MAN1A1: variants seen among roughly 807,000 people sequenced by gnomAD.
The protein encoded by MAN1A1 is mannosyl-oligosaccharide 1,2-alpha-mannosidase IA.
MAN1A1 carries 29 observed loss-of-function variants against 70.8 expected under a neutral mutation model. The observed-to-expected ratio is 0.41, with a 90% confidence interval of 0.31 to 0.56. The LOEUF (loss-of-function observed/expected upper bound fraction) is 0.56, where lower values mean the gene tolerates loss of function less well. MAN1A1 is among the 20% of genes least tolerant of loss of function. The pLI is 0.29. For synonymous variants in MAN1A1, 349 were observed against 330.1 expected, an observed-to-expected ratio of 1.06 and a Z score of -0.62; for missense variants, 747 against 841.3, an observed-to-expected ratio of 0.89 and a Z score of 1.39.
At chr6:119,257,083 G>A (rs561131987) in intron 5 of MAN1A1, among the ~76,000 whole-genome samples, 6 of 152,256 alleles carry the variant, frequency 3.9e-5, no homozygotes, top group African/African-American at 1.2e-4. Flanking sequence ...GGTTGAAGAC[G>A]TGACACTTAT....
intron 2 of MAN1A1, among the ~76,000 whole-genome samples, chr6:119,320,254 G>A (rs1028372981): frequency 6.6e-6 from 1 of 152,188 alleles, no homozygotes; most frequent in African/African-American, 2.4e-5. Flanking sequence ...TTACAGGCAT[G>A]AGCCACTGTG....
intron 10 of MAN1A1, among the ~76,000 whole-genome samples, chr6:119,188,919 C>T (rs966053024): frequency 6.6e-6 from 1 of 152,106 alleles, no homozygotes; most frequent in African/African-American, 2.4e-5. Flanking sequence ...ACAGACAGAA[C>T]CATCCATTTT....
chr6:119,315,486 A>G (rs1404102452), intron 2 of MAN1A1, among the ~76,000 whole-genome samples: 1 of 152,224 alleles, frequency 6.6e-6, no homozygotes, highest in Non-Finnish European at 1.5e-5. Context: ...TTCCAGTTCT[A>G]GCTAAAAAAA....
chr6:119,213,789 C>G (rs560633562), intron 6 of MAN1A1, among the ~76,000 whole-genome samples: 12 of 152,216 alleles, frequency 7.9e-5, no homozygotes, highest in African/African-American at 2.4e-4. Flanking sequence ...TAACATATCA[C>G]GGTAATCCAT....
chr6:119,220,091 C>A (rs2064160), intron 6 of MAN1A1, among the ~76,000 whole-genome samples: 63,518 of 151,896 alleles, frequency 0.42, 13,769 homozygotes, highest in East Asian at 0.67. Context: ...CATAAGAGGA[C>A]TTTTACCACA....
chr6:119,331,967 C>T (rs781722497), intron 2 of MAN1A1: 1 of 510,820 alleles, frequency 2.0e-6, no homozygotes, highest in Non-Finnish European at 3.9e-6. Flanking sequence ...GCTGCTCGAC[C>T]CTGGGCAATT....
intron 6 of MAN1A1, among the ~76,000 whole-genome samples, chr6:119,210,543 C>T (rs1355900429): frequency 1.3e-5 from 2 of 152,130 alleles, no homozygotes; most frequent in Non-Finnish European, 2.9e-5. Context: ...TCTGACTAAA[C>T]AGATACATTA....
chr6:119,270,441 A>G (rs949920816), intron 5 of MAN1A1, among the ~76,000 whole-genome samples: 2 of 152,216 alleles, frequency 1.3e-5, no homozygotes, highest in East Asian at 3.9e-4. Context: ...GTATACTCAC[A>G]CTGAGTTGAT....
At chr6:119,324,403 G>C (rs1024764937) in intron 2 of MAN1A1, among the ~76,000 whole-genome samples, 11 of 152,258 alleles carry the variant, frequency 7.2e-5, no homozygotes, top group African/African-American at 2.7e-4. Context: ...GCTATTGGTA[G>C]TTAAGTTTGG....
intron 5 of MAN1A1, among the ~76,000 whole-genome samples, chr6:119,249,416 G>A (rs1011074731): frequency 9.9e-5 from 15 of 152,174 alleles, no homozygotes; most frequent in Non-Finnish European, 1.9e-4. Context: ...AAAAGCTCTA[G>A]CTTATTTACT....
At chr6:119,276,673 G>A (rs958264905) in intron 5 of MAN1A1, among the ~76,000 whole-genome samples, 2 of 152,122 alleles carry the variant, frequency 1.3e-5, no homozygotes, top group Non-Finnish European at 2.9e-5. Flanking sequence ...AACCACATCA[G>A]AGAAAACTAA....
intron 6 of MAN1A1, among the ~76,000 whole-genome samples, chr6:119,233,826 T>C (rs1298879879): frequency 6.6e-6 from 1 of 152,222 alleles, no homozygotes; most frequent in Non-Finnish European, 1.5e-5. Flanking sequence ...TCAGAGGCTT[T>C]TGATGTATTG....
rs754080000 is a variant in MAN1A1 at position 119,188,410 on chromosome 6, C to G, written c.1714G>C (p.Val572Leu). The G allele has an allele frequency of 6.2e-7, 1 of 1,604,330 alleles. No individual in the cohort carries two copies. Among genetic ancestry groups the G allele is most frequent in the South Asian group, 1.1e-5 (1 of 88,312 alleles). ...CATGCAAATTAAAACATCACCTCTA[C>G]GGCTTCCCAGGCCCATTTCCTGTAC... ...PKYRKWAWEA[V>L]EALENHCRVN... is the part of the protein sequence containing the mutation. Residue 572 changes from valine to leucine, a missense_variant, in exon 11 of 13, where the codon GTA (valine) becomes CTA (leucine). Physicochemically the swap from Val to Leu is conservative, Grantham distance 32 (BLOSUM62 1). Coordinates refer to ENST00000368468, the MANE Select transcript of MAN1A1 (RefSeq NM_005907.4).
chr6:119,346,545 A>C (rs1035058652), intron 2 of MAN1A1, among the ~76,000 whole-genome samples: 1 of 152,228 alleles, frequency 6.6e-6, no homozygotes, highest in Non-Finnish European at 1.5e-5. Context: ...GACAGAGACT[A>C]CGTAAATCTC....
rs539302638 is a variant in MAN1A1, at chr6:119,209,031, G to A, written c.993-4149C>T. ...GATCACTTGAGCCTGGGAGGTGGAG[G>A]TTGCAGTGAGCTGATTGCCACTGCA... On this transcript the variant is annotated intron_variant, in intron 6 of 12. Transcript: ENST00000368468. Among the ~76,000 whole-genome samples the A allele has an allele frequency of 1.3e-4, 19 of 143,974 alleles. No homozygotes were observed. In the East Asian group the frequency reaches 4.0e-3, roughly 30 times the overall value. The allele number at this position is 143,974 out of a possible 152,430, so 94.5% of individuals were successfully genotyped here.
intron 5 of MAN1A1, among the ~76,000 whole-genome samples, chr6:119,277,609 G>A (rs1473560900): frequency 4.6e-5 from 7 of 151,962 alleles, no homozygotes; most frequent in Non-Finnish European, 1.0e-4. Context: ...GTAACTTTAG[G>A]TCAGGAGTTC....
At position 119,321,781 on chromosome 6, in the gene MAN1A1, C is replaced by T. The variant is rs148213362; in HGVS notation, c.604-14789G>A. Reference sequence around the variant, plus strand: ...TACAGGCATGTACCACCATGCCTCGCTAATTTTTAGTATTTTTAGTAGGGA... The same window carrying T: ...TACAGGCATGTACCACCATGCCTCGTTAATTTTTAGTATTTTTAGTAGGGA... On this transcript the variant is annotated intron_variant, in intron 2 of 12. Transcript: ENST00000368468. 2.8e-3 allele frequency among the ~76,000 whole-genome samples: 421 copies of T among 152,090 alleles called. 8 individuals are homozygous for T. Among genetic ancestry groups the T allele is most frequent in the Admixed American group, 0.025 (380 of 15,270 alleles).
At position 119,323,863 on chromosome 6, in the gene MAN1A1, C is replaced by T. The variant is rs1032624398; in HGVS notation, c.604-16871G>A. 7.9e-5 allele frequency among the ~76,000 whole-genome samples: 12 copies of T among 152,188 alleles called. No individual in the cohort carries two copies. The South Asian group carries it at 8.3e-4, about 11-fold the overall frequency. On this transcript the variant is annotated intron_variant, in intron 2 of 12. Coordinates refer to ENST00000368468, the MANE Select transcript of MAN1A1 (RefSeq NM_005907.4). ...AATTCTAAATTATTCAATATACCTA[C>T]GGGATGAGACGGAGTGAAGAGAGCA... is the stretch of plus-strand genomic sequence containing the variant.
chr6:119,263,609 A>T (rs1210435779), intron 5 of MAN1A1, among the ~76,000 whole-genome samples: 1 of 152,202 alleles, frequency 6.6e-6, no homozygotes, highest in Non-Finnish European at 1.5e-5. Flanking sequence ...ATGACACGCC[A>T]TGTACCTACC....
Sources: gnomAD v4.1 joint callset for allele counts (sites outside exome capture counted in the v4.1 genomes callset) on GRCh38, gnomAD v4.1.1 for gene constraint, MANE v1.5 for transcripts, NCBI Gene and HGNC (gene_info 2026-07-23, HGNC 2026-07-21) for gene names.